Variants in GALNTL6 observed in about 807,000 individuals in gnomAD.
GALNTL6 encodes the protein polypeptide N-acetylgalactosaminyltransferase-like 6.
In GALNTL6, 46 loss-of-function variants were observed where a neutral mutation model predicts 73.7. That is an observed-to-expected ratio of 0.62 (90% CI 0.49 to 0.80). The LOEUF is 0.80. GALNTL6 is among the 30% of genes least tolerant of loss of function. GALNTL6 has a pLI of 0.00. For missense variants in GALNTL6, 604 were observed against 755.0 expected, an observed-to-expected ratio of 0.80 and a Z score of 2.34; for synonymous variants, 259 against 263.7, an observed-to-expected ratio of 0.98 and a Z score of 0.17.
intron 2 of GALNTL6, among the ~76,000 whole-genome samples, chr4:172,039,344 C>T (rs1050349971): frequency 3.9e-5 from 6 of 152,014 alleles, no homozygotes; most frequent in African/African-American, 1.2e-4. Flanking sequence ...AGAAAAATGA[C>T]AGAAGCTGAG....
intron 5 of GALNTL6, among the ~76,000 whole-genome samples, chr4:172,397,546 ATAAG>A (rs1743890212): frequency 1.4e-5 from 2 of 143,952 alleles, no homozygotes; most frequent in East Asian, 2.0e-4. Context: ...TCTCCTAGAA[ATAAG>A]TATCTCATTT....
At chr4:172,407,395 T>G (rs1318443239) in intron 5 of GALNTL6, among the ~76,000 whole-genome samples, 2 of 152,102 alleles carry the variant, frequency 1.3e-5, no homozygotes, top group Non-Finnish European at 2.9e-5. Context: ...TTCATGAAGA[T>G]GTAAAATTAT....
intron 2 of GALNTL6, among the ~76,000 whole-genome samples, chr4:172,226,595 G>GTT (rs1560978708): frequency 2.7e-5 from 1 of 37,484 alleles, no homozygotes; most frequent in Non-Finnish European, 5.1e-5. Context: ...GTGTCTGTGT[G>GTT]TGTGTGTTTC....
At chr4:172,632,692 A>C (rs981304734) in intron 5 of GALNTL6, among the ~76,000 whole-genome samples, 1 of 152,262 alleles carries the variant, frequency 6.6e-6, no homozygotes, top group African/African-American at 2.4e-5. Context: ...GCCAAATGTT[A>C]ATCACCAAGA....
intron 8 of GALNTL6, among the ~76,000 whole-genome samples, chr4:172,911,777 T>C (rs569547491): frequency 6.6e-5 from 10 of 152,268 alleles, no homozygotes; most frequent in Non-Finnish European, 1.3e-4. Flanking sequence ...CTATTAGATA[T>C]AAGCCTAGGG....
chr4:172,049,276 A>C (rs1730751792), intron 2 of GALNTL6, among the ~76,000 whole-genome samples: 5 of 152,198 alleles, frequency 3.3e-5, no homozygotes, highest in Admixed American at 2.0e-4. Flanking sequence ...ACTTCAGTTA[A>C]CTTTGTTCTC....
rs535197455 is a variant in GALNTL6, at chr4:172,601,485, C to T, written c.554-207876C>T. 3.9e-5 allele frequency among the ~76,000 whole-genome samples: 6 copies of T among 152,144 alleles called. No homozygotes were observed. In the South Asian group the frequency reaches 6.2e-4, roughly 16 times the overall value. On this transcript the variant is annotated intron_variant, in intron 5 of 12. Coordinates refer to ENST00000506823, the MANE Select transcript of GALNTL6 (RefSeq NM_001034845.3). The stretch of plus-strand genomic sequence containing the variant: ...AAATAGGTTGTTATAAAAGGCAGTT[C>T]GGCTTCCTAGACCCTCTCTTGCTTC...
chr4:172,357,125 G>T (rs1742189616), intron 5 of GALNTL6, among the ~76,000 whole-genome samples: 1 of 152,204 alleles, frequency 6.6e-6, no homozygotes, highest in East Asian at 1.9e-4. Flanking sequence ...GGCCTTCCAG[G>T]ACTGCAGGGG....
chr4:172,101,461 G>A (rs1040918439), intron 2 of GALNTL6, among the ~76,000 whole-genome samples: 1 of 152,194 alleles, frequency 6.6e-6, no homozygotes, highest in African/African-American at 2.4e-5. Context: ...TGACGAGAGA[G>A]AGAGAGATGT....
intron 5 of GALNTL6, among the ~76,000 whole-genome samples, chr4:172,656,928 A>AT (rs5864145): frequency 0.41 from 61,007 of 150,582 alleles, 15,021 homozygotes; most frequent in East Asian, 0.68. Context: ...GAAGGACATT[A>AT]TTTTTTTTTT....
chr4:172,175,637 G>A (rs1734964942), intron 2 of GALNTL6, among the ~76,000 whole-genome samples: 1 of 152,088 alleles, frequency 6.6e-6, no homozygotes, highest in Admixed American at 6.6e-5. Context: ...TAAGAATTTT[G>A]GCATTATGCT....
At chr4:172,883,146 T>C (rs932780189) in intron 8 of GALNTL6, among the ~76,000 whole-genome samples, 1 of 152,222 alleles carries the variant, frequency 6.6e-6, no homozygotes, top group Non-Finnish European at 1.5e-5. Flanking sequence ...ATGTATACAA[T>C]GCATAATGAT....
chr4:172,357,629 A>ATG (rs1322653416), intron 5 of GALNTL6, among the ~76,000 whole-genome samples: 1 of 13,154 alleles, frequency 7.6e-5, no homozygotes, highest in East Asian at 1.6e-3. Flanking sequence ...ATATATATAG[A>ATG]TATATACACA....
intron 7 of GALNTL6, among the ~76,000 whole-genome samples, chr4:172,816,466 A>C (rs1188445187): frequency 1.3e-5 from 2 of 152,184 alleles, no homozygotes; most frequent in Non-Finnish European, 1.5e-5. Context: ...TGAAAATTTT[A>C]GAATGTTATA....
At chr4:172,854,393 A>C (rs941062752) in intron 7 of GALNTL6, among the ~76,000 whole-genome samples, 2 of 152,244 alleles carry the variant, frequency 1.3e-5, no homozygotes, top group Admixed American at 1.3e-4. Context: ...ATTCAAAAAA[A>C]TCTTTATTAA....
chr4:172,955,657 C>G (rs1407635942), intron 10 of GALNTL6, among the ~76,000 whole-genome samples: 2 of 152,036 alleles, frequency 1.3e-5, no homozygotes, highest in African/African-American at 2.4e-5. Context: ...TTTATATTTA[C>G]TTTCACTCGC....
chr4:172,543,472 T>G (rs1311110930), intron 5 of GALNTL6, among the ~76,000 whole-genome samples: 1 of 152,250 alleles, frequency 6.6e-6, no homozygotes, highest in African/African-American at 2.4e-5. Context: ...CCTTGATGAC[T>G]GCATTTTAAA....
chr4:172,370,251 G>A (rs1031615805), intron 5 of GALNTL6, among the ~76,000 whole-genome samples: 2 of 152,154 alleles, frequency 1.3e-5, no homozygotes, highest in South Asian at 2.1e-4. Flanking sequence ...CCTTCTGTAT[G>A]TAGCTTGATG....
At chr4:172,678,113 G>T (rs1334316546) in intron 5 of GALNTL6, among the ~76,000 whole-genome samples, 1 of 152,116 alleles carries the variant, frequency 6.6e-6, no homozygotes, top group Non-Finnish European at 1.5e-5. Flanking sequence ...CATAATGCCA[G>T]GTCCTCAGGC....
Sources: gnomAD v4.1 joint callset for allele counts (sites outside exome capture counted in the v4.1 genomes callset) on GRCh38, gnomAD v4.1.1 for gene constraint, MANE v1.5 for transcripts, NCBI Gene and HGNC (gene_info 2026-07-23, HGNC 2026-07-21) for gene names.